CARMIL1: variants seen among roughly 807,000 people sequenced by gnomAD.
CARMIL1 encodes the protein F-actin-uncapping protein LRRC16A.
Under a neutral mutation model 177.1 loss-of-function variants are expected in CARMIL1, and 90 were observed. The observed-to-expected ratio is 0.51, with a 90% CI of 0.43 to 0.61. The LOEUF (loss-of-function observed/expected upper bound fraction) is 0.61, where lower values mean the gene tolerates loss of function less well. Among genes scored for constraint, CARMIL1 ranks in the 20% least tolerant of loss-of-function variants. CARMIL1 has a pLI of 0.00. For missense variants in CARMIL1, 1,380 were observed against 1,667.0 expected (o/e 0.83, Z 3.00); for synonymous variants, 577 against 606.2 (o/e 0.95, Z 0.71).
At chr6:25,429,725 T>C (rs1367349543) in intron 4 of CARMIL1, among the ~76,000 whole-genome samples, 1 of 152,034 alleles carries the variant, frequency 6.6e-6, no homozygotes, top group Non-Finnish European at 1.5e-5. Context: ...CTGTTGAGAT[T>C]ATTGTGTGGT....
intron 2 of CARMIL1, among the ~76,000 whole-genome samples, chr6:25,356,407 C>G (rs1192866866): frequency 6.6e-6 from 1 of 152,194 alleles, no homozygotes; most frequent in Admixed American, 6.5e-5. Flanking sequence ...CTCAAGTCCT[C>G]TTACAGTCCT....
At chr6:25,282,861 C>A (rs1316377093) in intron 1 of CARMIL1, among the ~76,000 whole-genome samples, 3 of 152,154 alleles carry the variant, frequency 2.0e-5, no homozygotes, top group African/African-American at 7.2e-5. Flanking sequence ...CTCTCAGTGA[C>A]CTCCACTAGA....
chr6:25,497,894 G>A (rs1036934120), intron 16 of CARMIL1, among the ~76,000 whole-genome samples: 1 of 152,158 alleles, frequency 6.6e-6, no homozygotes, highest in Non-Finnish European at 1.5e-5. Context: ...TCATTGTTGC[G>A]ATTTTCCTTT....
At chr6:25,357,569 GT>G (rs1788760324) in intron 2 of CARMIL1, among the ~76,000 whole-genome samples, 1 of 152,178 alleles carries the variant, frequency 6.6e-6, no homozygotes, top group Admixed American at 6.5e-5. Flanking sequence ...AGGGGACAGA[GT>G]GAAATTTTGT....
chr6:25,431,288 T>A (rs75057325), intron 4 of CARMIL1, among the ~76,000 whole-genome samples: 1 of 145,116 alleles, frequency 6.9e-6, no homozygotes, highest in East Asian at 2.0e-4. Flanking sequence ...GTGTGTGTGT[T>A]TGTGTGTATG....
At chr6:25,584,159 G>A (rs908733271) in intron 31 of CARMIL1, among the ~76,000 whole-genome samples, 7 of 149,702 alleles carry the variant, frequency 4.7e-5, no homozygotes, top group African/African-American at 1.7e-4. Flanking sequence ...TCAGCCTCCT[G>A]AGTAGCTGGG....
At chr6:25,444,321 T>TA (rs1211637495) in intron 5 of CARMIL1, among the ~76,000 whole-genome samples, 122 of 146,938 alleles carry the variant, frequency 8.3e-4, no homozygotes, top group South Asian at 1.9e-3. Context: ...CAAGGGACAT[T>TA]AAAAAAAAAA....
chr6:25,473,305 A>G (rs1801244659), intron 11 of CARMIL1, among the ~76,000 whole-genome samples: 1 of 152,202 alleles, frequency 6.6e-6, no homozygotes, highest in African/African-American at 2.4e-5. Context: ...GAACGACACA[A>G]GAGTTAGGGG....
intron 20 of CARMIL1, among the ~76,000 whole-genome samples, chr6:25,514,995 G>A (rs187255659): frequency 2.6e-5 from 4 of 152,210 alleles, no homozygotes; most frequent in Admixed American, 2.6e-4. Flanking sequence ...CTAATAGGGA[G>A]ATGTGGTATA....
chr6:25,527,260 A>G (rs1340944333), intron 23 of CARMIL1, among the ~76,000 whole-genome samples: 1 of 152,196 alleles, frequency 6.6e-6, no homozygotes, highest in East Asian at 1.9e-4. Flanking sequence ...GATGCAAATA[A>G]TTTTGGTGGT....
chr6:25,420,507 C>G (rs978430567), intron 3 of CARMIL1: 1 of 203,550 alleles, frequency 4.9e-6, no homozygotes, highest in African/African-American at 2.3e-5. Context: ...TTATTTTTCT[C>G]TCTCAACTGG....
intron 24 of CARMIL1, among the ~76,000 whole-genome samples, chr6:25,531,140 G>A (rs214058): frequency 0.4 from 60,899 of 152,002 alleles, 12,385 homozygotes; most frequent in East Asian, 0.45. Context: ...ATAAAAATAA[G>A]TATCCTATTT....
chr6:25,586,171 G>C (rs535744237), intron 31 of CARMIL1, among the ~76,000 whole-genome samples: 1 of 147,704 alleles, frequency 6.8e-6, no homozygotes, highest in South Asian at 2.1e-4. Flanking sequence ...GGCGGCTGCC[G>C]GGCAGAGACG....
At chr6:25,511,923 C>T (rs1582199390) in intron 20 of CARMIL1, among the ~76,000 whole-genome samples, 1 of 152,132 alleles carries the variant, frequency 6.6e-6, no homozygotes, top group African/African-American at 2.4e-5. Flanking sequence ...TGCTAATAAA[C>T]CCCATATTTT....
At position 25,558,289 on chromosome 6, in the gene CARMIL1, G is replaced by A. The variant is rs1415915624; in HGVS notation, c.2742+1439G>A. On this transcript the variant is annotated intron_variant, in intron 29 of 36. Transcript: ENST00000329474. This position sits in a 1 kb window ranked among gnomAD's most constrained non-coding sequence, Gnocchi z 4.1. Reference sequence around the variant, plus strand: ...GGTCATGTGTAAATTGGAAAAGGGTGAAGGAAAAAACAAGCTAGTAAAATG... The same window carrying A: ...GGTCATGTGTAAATTGGAAAAGGGTAAAGGAAAAAACAAGCTAGTAAAATG... 1.3e-5 allele frequency among the ~76,000 whole-genome samples: 2 copies of A among 152,144 alleles called. No homozygotes were observed. The highest frequency in any genetic ancestry group is 4.8e-5 in the African/African-American group (2 of 41,440).
At chr6:25,585,713 G>A (rs12528159) in intron 31 of CARMIL1, among the ~76,000 whole-genome samples, 20,542 of 152,082 alleles carry the variant, frequency 0.14, 1,799 homozygotes, top group South Asian at 0.19. Flanking sequence ...CAGTGTTTGT[G>A]TCCCTGGGTA....
At chr6:25,415,990 G>T (rs1795325586) in intron 2 of CARMIL1, among the ~76,000 whole-genome samples, 3 of 151,832 alleles carry the variant, frequency 2.0e-5, no homozygotes, top group Admixed American at 2.0e-4. Context: ...CAGAGGAGGG[G>T]TGGGGAGCCA....
At chr6:25,550,577 G>A (rs1043915238) in intron 26 of CARMIL1, among the ~76,000 whole-genome samples, 1 of 152,080 alleles carries the variant, frequency 6.6e-6, no homozygotes, top group Non-Finnish European at 1.5e-5. Flanking sequence ...TGTGGTAAGG[G>A]GGTGTATAAA....
chr6:25,449,045 C>T (rs1412328237), intron 5 of CARMIL1, among the ~76,000 whole-genome samples: 1 of 151,672 alleles, frequency 6.6e-6, no homozygotes, highest in African/African-American at 2.4e-5. Flanking sequence ...GGACTATAGG[C>T]ACATACTACC....
Sources: gnomAD v4.1 joint callset for allele counts (sites outside exome capture counted in the v4.1 genomes callset) on GRCh38, gnomAD v4.1.1 for gene constraint, Gnocchi (gnomAD v3.1) non-coding constraint, MANE v1.5 for transcripts, NCBI Gene and HGNC (gene_info 2026-07-23, HGNC 2026-07-21) for gene names.